Variants in ERICH1 observed in about 807,000 individuals in gnomAD.
The protein encoded by ERICH1 is glutamate-rich protein 1.
A neutral mutation model predicts 39.6 loss-of-function variants in ERICH1; 56 were observed. The ratio of observed to expected loss-of-function variants is 1.41; its 90% CI spans 1.14 to 1.77. The LOEUF is 1.77. Ranked by LOEUF, ERICH1 falls within the 40% of genes most tolerant of loss-of-function variation. The probability of loss-of-function intolerance (pLI) is 0.00; values close to 1 mark genes in which losing one functional copy is unlikely to be tolerated. For missense variants in ERICH1, 826 were observed against 575.4 expected (o/e 1.44, Z -4.45); for synonymous variants, 313 against 223.6 (o/e 1.40, Z -3.57).
At chr8:653,904 C>A (rs947405834) in intron 3 of ERICH1, among the ~76,000 whole-genome samples, 1 of 149,920 alleles carries the variant, frequency 6.7e-6, no homozygotes, top group Non-Finnish European at 1.5e-5. Flanking sequence ...ACACGAGAAA[C>A]CCTGAGGATG....
intron 5 of ERICH1, chr8:666,308 G>T (rs1027557272): frequency 1.3e-5 from 2 of 152,126 alleles, no homozygotes; most frequent in Admixed American, 6.5e-5. Flanking sequence ...AGTTAAAATC[G>T]CTTACTTTCA....
chr8:632,024 G>GCT (rs201948791), intron 3 of ERICH1, among the ~76,000 whole-genome samples: 2,394 of 152,244 alleles, frequency 0.016, 55 homozygotes, highest in African/African-American at 0.054. Context: ...AAGCACCACA[G>GCT]CCGGAATAGA....
chr8:681,083 G>C (rs1806010859), intron 3 of ERICH1, among the ~76,000 whole-genome samples: 1 of 152,206 alleles, frequency 6.6e-6, no homozygotes, highest in South Asian at 2.1e-4. Context: ...GTATGCCAGA[G>C]AGCCAGACTG....
intron 3 of ERICH1, among the ~76,000 whole-genome samples, chr8:619,739 C>CAA (rs1797161362): frequency 6.6e-6 from 1 of 151,764 alleles, no homozygotes; most frequent in African/African-American, 2.4e-5. Context: ...AACAACAGCA[C>CAA]AAAAAAGAAG....
intron 3 of ERICH1, among the ~76,000 whole-genome samples, chr8:631,111 A>C (rs1584962714): frequency 6.6e-6 from 1 of 152,194 alleles, no homozygotes; most frequent in Admixed American, 6.5e-5. Context: ...GCTGACTCAC[A>C]CCCTCCTATG....
intron 3 of ERICH1, among the ~76,000 whole-genome samples, chr8:690,209 T>C (rs1808592493): frequency 6.6e-6 from 1 of 152,204 alleles, no homozygotes; most frequent in African/African-American, 2.4e-5. Context: ...CCCGTCTCCT[T>C]CCACCTGTTC....
At chr8:702,561 G>T (rs1812395728) in intron 2 of ERICH1, among the ~76,000 whole-genome samples, 1 of 152,194 alleles carries the variant, frequency 6.6e-6, no homozygotes, top group South Asian at 2.1e-4. Flanking sequence ...ACACTTAGAA[G>T]AAGAAATACA....
intron 2 of ERICH1, among the ~76,000 whole-genome samples, chr8:708,118 T>TA (rs35710228): frequency 0.24 from 35,356 of 148,396 alleles, 4,378 homozygotes; most frequent in East Asian, 0.45. Flanking sequence ...GGCTATTATC[T>TA]AAAAAAAAAA....
chr8:668,545 A>G (rs757935034), intron 5 of ERICH1, 53 bp downstream of exon 5: 2 of 1,605,884 alleles, frequency 1.2e-6, no homozygotes, highest in African/African-American at 2.7e-5. Context: ...TCAGAGGCAA[A>G]CCTCGATGAG....
At chr8:615,923 T>C (rs1170078183) in intron 3 of ERICH1, 1 of 152,602 alleles carries the variant, frequency 6.6e-6, no homozygotes, top group Non-Finnish European at 1.5e-5. Context: ...ACAGAGAACC[T>C]AGGGAAATTA....
chr8:721,760 G>C (rs542336976), intron 1 of ERICH1, among the ~76,000 whole-genome samples: 1 of 152,130 alleles, frequency 6.6e-6, no homozygotes, highest in Non-Finnish European at 1.5e-5. Flanking sequence ...GAACATAAAC[G>C]AAAGGTTTTT....
At chr8:716,447 C>T (rs999174594) in intron 1 of ERICH1, among the ~76,000 whole-genome samples, 5 of 152,234 alleles carry the variant, frequency 3.3e-5, no homozygotes, top group African/African-American at 1.2e-4. Flanking sequence ...GCAGGTCTGG[C>T]GGGCCCTGAG....
At chr8:635,702 A>G (rs35544426) in intron 3 of ERICH1, among the ~76,000 whole-genome samples, 31,319 of 152,172 alleles carry the variant, frequency 0.21, 3,461 homozygotes, top group Middle Eastern at 0.33. Context: ...GGGTCCCTGG[A>G]GGCTCTAGCA....
In ERICH1 at chr8:684,963, G is replaced by C. The variant is rs1040040703; in HGVS notation, c.304+7515C>G. Among the ~76,000 whole-genome samples the C allele has an allele frequency of 7.9e-5, 12 of 152,348 alleles. 1 individual carries two copies. In the South Asian group the frequency reaches 2.5e-3, roughly 32 times the overall value. ...GGGCGAAACTAGAATTGCTGATGAAGTTTCATGTTCCACTGTGCATACATT... is the reference window on the plus strand; with the variant it reads ...GGGCGAAACTAGAATTGCTGATGAACTTTCATGTTCCACTGTGCATACATT... On this transcript the variant is annotated intron_variant, in intron 3 of 5. Transcript: ENST00000262109.
At chr8:620,084 T>C (rs558689182) in intron 3 of ERICH1, among the ~76,000 whole-genome samples, 2,014 of 151,178 alleles carry the variant, frequency 0.013, 32 homozygotes, top group African/African-American at 0.047. Flanking sequence ...GAGGCCAAGG[T>C]GGGTGGATCA....
intron 3 of ERICH1, among the ~76,000 whole-genome samples, chr8:650,464 C>G (rs947573627): frequency 8.5e-5 from 13 of 152,216 alleles, no homozygotes; most frequent in African/African-American, 3.1e-4. Flanking sequence ...TTACCGTCCT[C>G]GGCAGGGCAC....
chr8:642,489 C>CG (rs1799121340), intron 3 of ERICH1, among the ~76,000 whole-genome samples: 1 of 151,958 alleles, frequency 6.6e-6, no homozygotes, highest in Non-Finnish European at 1.5e-5. Context: ...GGACTACAGG[C>CG]ACCAGCCACC....
At chr8:665,221 T>A (rs539518971) in intron 5 of ERICH1, among the ~76,000 whole-genome samples, 17 of 152,124 alleles carry the variant, frequency 1.1e-4, no homozygotes, top group African/African-American at 4.1e-4. Context: ...CCTCAGAGCT[T>A]CACGGCAGGG....
downstream of ERICH1, among the ~76,000 whole-genome samples, chr8:660,800 T>G (rs1014439864): frequency 6.6e-6 from 1 of 152,134 alleles, no homozygotes; most frequent in African/African-American, 2.4e-5. Context: ...TCCGCAGCTT[T>G]CGAGCTGCTT....
Sources: allele counts gnomAD v4.1 joint callset (sites outside exome capture counted in the v4.1 genomes callset), GRCh38; gene constraint gnomAD v4.1.1; transcripts MANE v1.5; gene names NCBI Gene and HGNC (gene_info 2026-07-23, HGNC 2026-07-21).